Variants in PROZ observed in about 807,000 individuals in gnomAD.
PROZ encodes protein Z, vitamin K dependent plasma glycoprotein, also known as vitamin K-dependent protein Z.
A neutral mutation model predicts 34.9 loss-of-function variants in PROZ; 46 were observed. The ratio of observed to expected loss-of-function variants is 1.32; its 90% CI spans 1.04 to 1.69. The LOEUF (loss-of-function observed/expected upper bound fraction) is 1.69. PROZ is among the 40% of genes most tolerant of loss of function. The pLI is 0.00. For missense variants in PROZ, 530 were observed against 520.4 expected (o/e 1.02, Z -0.18); for synonymous variants, 195 against 208.5 (o/e 0.94, Z 0.56).
At chr13:113,167,108 T>C (rs913228350) in intron 6 of PROZ, among the ~76,000 whole-genome samples, 4 of 152,222 alleles carry the variant, frequency 2.6e-5, no homozygotes, top group African/African-American at 9.7e-5. Context: ...TTAAGTGACC[T>C]AGCAGGACAT....
rs745389481 is a variant in PROZ, at chr13:113,170,506, C to A, written c.667C>A (p.His223Asn). 1 of 1,590,210 alleles carries A rather than the reference C, an allele frequency of 6.3e-7. No homozygotes were observed. The highest frequency in any genetic ancestry group is 1.1e-5 in the South Asian group (1 of 90,548). Residue 223 changes from histidine (H) to asparagine (N), a missense_variant, in exon 7 of 8, where the codon CAC becomes AAC. Coordinates refer to ENST00000375547, the MANE Select transcript of PROZ (RefSeq NM_003891.3). ...VLTTAKCSLLHRNITVKTYFN... is the reference protein window; with the variant it reads ...VLTTAKCSLLNRNITVKTYFN... ...GACAACAGCAAAATGTTCACTGTTA[C>A]ACAGGAATATTACTGTAAAAACATG...
At chr13:113,161,005 T>G (rs763027843) in intron 3 of PROZ, 33 bp downstream of exon 3, 1 of 1,592,112 alleles carries the variant, frequency 6.3e-7, no homozygotes, top group Non-Finnish European at 8.6e-7. Context: ...TCAGAAGTAT[T>G]AATTCCTCGG....
At chr13:113,166,645 G>A (rs1029053689) in intron 6 of PROZ, among the ~76,000 whole-genome samples, 57 of 152,204 alleles carry the variant, frequency 3.7e-4, no homozygotes, top group African/African-American at 1.3e-3. Context: ...GGATGGAAGC[G>A]GGAATGGTCT....
At position 113,171,515 on chromosome 13, in the gene PROZ, C is replaced by T. The variant is rs1291673530; in HGVS notation, c.692-79C>T. On this transcript the variant is annotated intron_variant, in intron 7 of 7. Transcript: ENST00000375547. This position sits in a 1 kb window ranked among gnomAD's most constrained non-coding sequence, Gnocchi z 5.1. ...GGCCGGTCTCTCCCTCCTCACGTGG[C>T]TCCCTGAGAAGCTCGTTTGAGCATT... 6.3e-7 allele frequency: 1 copy of T among 1,586,248 alleles called. No individual in the cohort carries two copies. Among genetic ancestry groups the T allele is most frequent in the Non-Finnish European group, 8.6e-7 (1 of 1,162,934 alleles).
intron 6 of PROZ, among the ~76,000 whole-genome samples, chr13:113,167,796 G>T (rs1015909210): frequency 6.7e-6 from 1 of 149,488 alleles, no homozygotes; most frequent in Non-Finnish European, 1.5e-5. Context: ...TGTAATTGTC[G>T]ATATGTTTAC....
intron 7 of PROZ, among the ~76,000 whole-genome samples, chr13:113,170,920 ATTTC>A (rs1186477490): frequency 1.4e-5 from 2 of 144,410 alleles, no homozygotes; most frequent in Non-Finnish European, 3.0e-5. Flanking sequence ...ATCTGTGCCT[ATTTC>A]TTTCTTTTTT....
Position 113,171,377 on chromosome 13 carries a change from G to GT in PROZ, c.692-212dup, listed in dbSNP as rs1398197858. Reference sequence around the variant, plus strand: ...CAAAACAGAAGAACTAACCTTGACTGTTTTTAAAGGCTGTGGCACTTGGTT... The same window carrying GT: ...CAAAACAGAAGAACTAACCTTGACTGTTTTTTAAAGGCTGTGGCACTTGGTT... On this transcript the variant is annotated intron_variant, in intron 7 of 7. Transcript: ENST00000375547. This position sits in a 1 kb window ranked among gnomAD's most constrained non-coding sequence, Gnocchi z 5.1. Among the ~76,000 whole-genome samples the GT allele has an allele frequency of 6.6e-6, 1 of 152,162 alleles. No individual in the cohort carries two copies. Among genetic ancestry groups the GT allele is most frequent in the Non-Finnish European group, 1.5e-5 (1 of 68,022 alleles).
Position 113,171,674 on chromosome 13 carries a change from G to A in PROZ, c.772G>A (p.Gly258Arg), listed in dbSNP as rs774282350. Residue 258 changes from glycine (G) to arginine (R), a missense_variant, in exon 8 of 8, where the codon GGG becomes AGG. By Grantham distance (125) the Gly-to-Arg change is moderately radical (BLOSUM62 -2). Coordinates refer to ENST00000375547, the MANE Select transcript of PROZ (RefSeq NM_003891.3). This position sits in a 1 kb window ranked among gnomAD's most constrained non-coding sequence, Gnocchi z 5.1. ...HVHMRYDADA[G>R]ENDLSLLELE... ...GCACATGCGGTATGACGCGGACGCG[G>A]GGGAGAATGACCTGTCACTGCTGGA... 2 of 1,614,034 alleles carry A rather than the reference G, an allele frequency of 1.2e-6. No individual in the cohort carries two copies. The highest frequency in any genetic ancestry group is 1.7e-6 in the Non-Finnish European group (2 of 1,180,020).
At position 113,159,116 on chromosome 13, in the gene PROZ, C is replaced by A. The variant is rs934002014; in HGVS notation, c.70+386C>A. The A allele has an allele frequency of 3.2e-5, 37 of 1,143,112 alleles. No individual in the cohort carries two copies. Among genetic ancestry groups the A allele is most frequent in the Non-Finnish European group, 4.7e-5 (37 of 780,950 alleles). The allele number at this position is 1,143,112 out of a possible 1,614,324, so 70.8% of individuals were successfully genotyped here. A position where few individuals can be genotyped will look rare whatever the true frequency, so the allele number is the denominator to read the frequency against. ...GTGGGCAGAGAGAGCCTTGGCCAGG[C>A]CAGCCAGGAATGCCCAGTCTTGAGT... On this transcript the variant is annotated intron_variant, in intron 1 of 7. Transcript: ENST00000375547. The surrounding 1 kb of genome is among the most constrained non-coding windows in gnomAD (Gnocchi z 4.6).
Position 113,171,951 on chromosome 13 carries a change from A to C in PROZ, c.1049A>C (p.His350Pro). Residue 350 changes from histidine (H) to proline (P), a missense_variant, in exon 8 of 8, where the codon CAC becomes CCC. Coordinates refer to ENST00000375547, the MANE Select transcript of PROZ (RefSeq NM_003891.3). This position sits in a 1 kb window ranked among gnomAD's most constrained non-coding sequence, Gnocchi z 5.1. ...YCERSSVAAMHWMDGSVVTRE... is the reference protein window; with the variant it reads ...YCERSSVAAMPWMDGSVVTRE... ...GAGAGAAGCAGCGTGGCGGCCATGC[A>C]CTGGATGGATGGAAGTGTGGTCACC... 6.2e-7 allele frequency: 1 copy of C among 1,613,584 alleles called. No individual in the cohort carries two copies. The highest frequency in any genetic ancestry group is 8.5e-7 in the Non-Finnish European group (1 of 1,180,016).
intron 4 of PROZ, among the ~76,000 whole-genome samples, chr13:113,164,148 T>C (rs1168553796): frequency 1.3e-5 from 2 of 151,720 alleles, no homozygotes; most frequent in African/African-American, 4.8e-5. Context: ...CCTGGCTAAT[T>C]TTTGTATTTT....
At chr13:113,163,540 C>T (rs1484372856) in intron 4 of PROZ, among the ~76,000 whole-genome samples, 1 of 152,226 alleles carries the variant, frequency 6.6e-6, no homozygotes, top group Non-Finnish European at 1.5e-5. Context: ...TGTCCATCAT[C>T]GCCAACTACA....
intron 3 of PROZ, among the ~76,000 whole-genome samples, chr13:113,161,703 G>A (rs1434050645): frequency 1.3e-5 from 2 of 152,040 alleles, no homozygotes; most frequent in African/African-American, 2.4e-5. Flanking sequence ...GGGGCCAGGC[G>A]ATGGCATGGG....
intron 4 of PROZ, among the ~76,000 whole-genome samples, chr13:113,163,501 A>G (rs1211780525): frequency 6.6e-6 from 1 of 152,096 alleles, no homozygotes; most frequent in Non-Finnish European, 1.5e-5. Context: ...CACGTAAACA[A>G]ATATCCTTAA....
intron 6 of PROZ, among the ~76,000 whole-genome samples, chr13:113,168,008 C>T (rs1020521340): frequency 2.6e-5 from 4 of 152,124 alleles, no homozygotes; most frequent in African/African-American, 4.8e-5. Context: ...CCACTTTCGC[C>T]GACGCCACAT....
At chr13:113,168,050 T>C (rs995394038) in intron 6 of PROZ, among the ~76,000 whole-genome samples, 1 of 152,198 alleles carries the variant, frequency 6.6e-6, no homozygotes, top group Non-Finnish European at 1.5e-5. Flanking sequence ...CTTACAGCAA[T>C]CATGCCCCAT....
chr13:113,168,289 T>C (rs1399175477), intron 6 of PROZ, among the ~76,000 whole-genome samples: 1 of 126,960 alleles, frequency 7.9e-6, no homozygotes, highest in African/African-American at 2.8e-5. Flanking sequence ...CAGGCCTCCC[T>C]CTGGTATCGT....
At chr13:113,165,293 T>C (rs2036893709) in intron 6 of PROZ, 173 bp downstream of exon 6, 2 of 700,198 alleles carry the variant, frequency 2.9e-6, no homozygotes, top group Admixed American at 4.1e-5. Context: ...TAATGCCGAG[T>C]TCATAACTAA....
rs764437903 is a variant in PROZ at position 113,171,647 on chromosome 13, G to A, written c.745G>A (p.Val249Met). The A allele has an allele frequency of 4.3e-6, 7 of 1,614,148 alleles. No homozygotes were observed. The highest frequency in any genetic ancestry group is 2.7e-5 in the African/African-American group (2 of 75,078). The change falls in exon 8 of 8, where the codon GTG becomes ATG. Residue 249 changes from valine (V) to methionine (M), a missense_variant. By Grantham distance (21) the Val-to-Met change is conservative. Coordinates refer to ENST00000375547, the MANE Select transcript of PROZ (RefSeq NM_003891.3). This position sits in a 1 kb window ranked among gnomAD's most constrained non-coding sequence, Gnocchi z 5.1. ...GATGATCAAGATAACGCACGTCCATGTGCACATGCGGTATGACGCGGACGC... is the reference window on the plus strand; with the variant it reads ...GATGATCAAGATAACGCACGTCCATATGCACATGCGGTATGACGCGGACGC... ...PLMIKITHVHVHMRYDADAGE... is the reference protein window; with the variant it reads ...PLMIKITHVHMHMRYDADAGE...
Sources: gnomAD v4.1 joint callset for allele counts (sites outside exome capture counted in the v4.1 genomes callset) on GRCh38, gnomAD v4.1.1 for gene constraint, Gnocchi (gnomAD v3.1) non-coding constraint, MANE v1.5 for transcripts, NCBI Gene and HGNC (gene_info 2026-07-23, HGNC 2026-07-21) for gene names.